The following DUSP15 variants were observed in gnomAD, a reference collection of about 807,000 sequenced individuals.
DUSP15 encodes the protein dual specificity protein phosphatase 15.
A neutral mutation model predicts 26.3 loss-of-function variants in DUSP15; 23 were observed. The observed-to-expected ratio is 0.87, with a 90% CI of 0.63 to 1.24. The LOEUF (loss-of-function observed/expected upper bound fraction) is 1.24. Among genes scored for constraint, DUSP15 ranks in the 50% most tolerant of loss-of-function variants. The probability of loss-of-function intolerance (pLI) is 0.00; values close to 1 mark genes in which losing one functional copy is unlikely to be tolerated. For missense variants in DUSP15, 364 were observed against 320.6 expected (o/e 1.14, Z -1.03); for synonymous variants, 143 against 135.5 (o/e 1.06, Z -0.39).
intron 3 of DUSP15, among the ~76,000 whole-genome samples, chr20:31,866,572 C>T (rs779255949): frequency 2.6e-5 from 4 of 152,194 alleles, no homozygotes; most frequent in East Asian, 3.8e-4. Flanking sequence ...CAGCACCAAC[C>T]GCCCTAGAGG....
chr20:31,864,196 C>T, intron 4 of DUSP15: 1 of 1,354,874 alleles, frequency 7.4e-7, no homozygotes, highest in Non-Finnish European at 9.5e-7. Context: ...TGAGAGAGAC[C>T]AGTCAGGACA....
rs545338861 is a variant in DUSP15, at chr20:31,861,081, T to G, written c.*322A>C. The G allele has an allele frequency of 1.7e-6, 2 of 1,169,724 alleles. No individual in the cohort carries two copies. The highest frequency in any genetic ancestry group is 2.1e-6 in the Non-Finnish European group (2 of 948,334). The allele number at this position is 1,169,724 out of a possible 1,614,324, so 72.5% of individuals were successfully genotyped here. ...GGAGGCACTCGGACAGGCAGCTTCT[T>G]CTGTGTCTCTTTAATACCCTCCAGG... On this transcript the variant is annotated 3_prime_UTR_variant, in exon 7 of 7. Coordinates refer to ENST00000339738, the MANE Select transcript of DUSP15 (RefSeq NM_080611.5).
Position 31,861,557 on chromosome 20 carries a change from G to A in DUSP15, c.554C>T (p.Ser185Phe), listed in dbSNP as rs1429030129. Residue 185 changes from serine (S) to phenylalanine (F), a missense_variant, in exon 7 of 7, where the codon TCC becomes TTC. Ser to Phe is a radical substitution (Grantham distance 155, BLOSUM62 -2). Coordinates refer to ENST00000339738, the MANE Select transcript of DUSP15 (RefSeq NM_080611.5). ...GGAGGCTGCTGAGTGCGGCCCGGCG[G>A]AGGAGGCCGAGGTCGCGGAGCCCTG... The part of the protein sequence containing the change: ...CRQGSATSAS[S>F]AGPHSAASEG... The A allele has an allele frequency of 6.7e-7, 1 of 1,503,290 alleles. No homozygotes were observed. Among genetic ancestry groups the A allele is most frequent in the South Asian group, 1.2e-5 (1 of 80,606 alleles). 93.1% of individuals were successfully genotyped at this position (1,503,290 alleles called of 1,614,324 possible). A position where few individuals can be genotyped will look rare whatever the true frequency, so the allele number is the denominator to read the frequency against.
At chr20:31,858,903 T>C (rs1393557438), downstream of DUSP15, among the ~76,000 whole-genome samples, 1 of 152,170 alleles carries the variant, frequency 6.6e-6, no homozygotes, top group African/African-American at 2.4e-5. This position sits in a 1 kb window ranked among gnomAD's most constrained non-coding sequence, Gnocchi z 4.4. Flanking sequence ...TTGTAATGAG[T>C]TCCCCCGTGA....
At chr20:31,847,610 T>G (rs555864511), downstream of DUSP15, 1 of 152,242 alleles carries the variant, frequency 6.6e-6, no homozygotes, top group Non-Finnish European at 1.5e-5. Flanking sequence ...AAATCAGAAC[T>G]CAGAAAAGAA....
intron 8 of DUSP15, chr20:31,849,534 C>T (rs2062428140): frequency 1.1e-6 from 1 of 880,376 alleles, no homozygotes; most frequent in Non-Finnish European, 1.9e-6. Flanking sequence ...TCCAGCCGTC[C>T]TACCGCCTGG....
chr20:31,854,390 T>C (rs1304468599), intron 6 of DUSP15, among the ~76,000 whole-genome samples: 1 of 152,176 alleles, frequency 6.6e-6, no homozygotes, highest in African/African-American at 2.4e-5. Flanking sequence ...AGCTGGTGCA[T>C]GTAAAATGCT....
chr20:31,865,585 G>A (rs1600477864), intron 3 of DUSP15, among the ~76,000 whole-genome samples: 1 of 152,066 alleles, frequency 6.6e-6, no homozygotes, highest in Admixed American at 6.6e-5. Context: ...TGCTTTTCTC[G>A]AGAAACTGTC....
exon 9 of DUSP15, chr20:31,848,846 C>T: frequency 1.9e-6 from 3 of 1,612,254 alleles, no homozygotes; most frequent in East Asian, 4.5e-5. Flanking sequence ...CTGTGTGGGG[C>T]CCGGGTCCTC....
rs2062886791 is a variant in DUSP15, at chr20:31,870,039, A to G, written c.21+278T>C. 2 of 1,303,564 alleles carry G rather than the reference A, an allele frequency of 1.5e-6. No homozygotes were observed. Among genetic ancestry groups the G allele is most frequent in the Non-Finnish European group, 1.9e-6 (2 of 1,027,936 alleles). 80.7% of individuals were successfully genotyped at this position (1,303,564 alleles called of 1,614,324 possible). The stretch of plus-strand genomic sequence containing the variant: ...AGAGGGACACATGCAGACGGAGAGC[A>G]GGACTCACTGGGAGACAGCCTGGGA... On this transcript the variant is annotated intron_variant, in intron 1 of 6. Coordinates refer to ENST00000339738, the MANE Select transcript of DUSP15 (RefSeq NM_080611.5). The surrounding 1 kb of genome is among the most constrained non-coding windows in gnomAD (Gnocchi z 6.6).
At chr20:31,857,254 G>A (rs947109105), downstream of DUSP15, among the ~76,000 whole-genome samples, 1 of 152,014 alleles carries the variant, frequency 6.6e-6, no homozygotes, top group African/African-American at 2.4e-5. Context: ...TTGAAATGAC[G>A]GCAACTGTCC....
In DUSP15 at chr20:31,870,246, C is replaced by T. The variant is rs991391584; in HGVS notation, c.21+71G>A. The T allele has an allele frequency of 3.3e-6, 4 of 1,225,336 alleles. No homozygotes were observed. Among genetic ancestry groups the T allele is most frequent in the Non-Finnish European group, 4.1e-6 (4 of 983,742 alleles). The allele number at this position is 1,225,336 out of a possible 1,614,324, so 75.9% of individuals were successfully genotyped here. ...AACAGAAGGTCAGAGGCGGGCGGAC[C>T]GAGCTGGTCAGCGCCGGGCCGCGGC... On this transcript the variant is annotated intron_variant, in intron 1 of 6. Coordinates refer to ENST00000339738, the MANE Select transcript of DUSP15 (RefSeq NM_080611.5). The surrounding 1 kb of genome is among the most constrained non-coding windows in gnomAD (Gnocchi z 6.6).
chr20:31,866,223 C>A (rs1044887251), intron 3 of DUSP15, among the ~76,000 whole-genome samples: 1 of 152,220 alleles, frequency 6.6e-6, no homozygotes, highest in African/African-American at 2.4e-5. Context: ...ACCCATGGTT[C>A]TTTCTCTCCA....
intron 7 of DUSP15, chr20:31,850,572 C>T (rs1002832959): frequency 2.5e-5 from 39 of 1,590,010 alleles, no homozygotes; most frequent in Non-Finnish European, 3.3e-5. Flanking sequence ...GTCCCCAGTT[C>T]AGCACACTGG....
At chr20:31,867,879 T>C (rs1379855947) in intron 2 of DUSP15, among the ~76,000 whole-genome samples, 1 of 152,092 alleles carries the variant, frequency 6.6e-6, no homozygotes, top group Non-Finnish European at 1.5e-5. Flanking sequence ...TCTCCTGACC[T>C]CGTGATCCGC....
intron 3 of DUSP15, among the ~76,000 whole-genome samples, chr20:31,865,327 T>C (rs529351046): frequency 6.6e-6 from 1 of 152,202 alleles, no homozygotes; most frequent in African/African-American, 2.4e-5. Context: ...CCACTCCAAA[T>C]GGGAATTACA....
upstream of DUSP15, chr20:31,870,621 CG>C: frequency 7.4e-7 from 1 of 1,352,086 alleles, no homozygotes. This position sits in a 1 kb window ranked among gnomAD's most constrained non-coding sequence, Gnocchi z 6.6. Context: ...GGCGGGGGGC[CG>C]GACAAAGCCC....
intron 2 of DUSP15, among the ~76,000 whole-genome samples, chr20:31,868,898 C>T (rs115824031): frequency 0.019 from 2,908 of 152,332 alleles, 105 homozygotes; most frequent in African/African-American, 0.066. Flanking sequence ...GGTGTCCCCT[C>T]CTCCTGACTG....
intron 4 of DUSP15, 51 bp from the exon 5 acceptor site, chr20:31,864,032 G>T: frequency 6.2e-7 from 1 of 1,608,728 alleles, no homozygotes; most frequent in Non-Finnish European, 8.5e-7. Context: ...GACCTCTCAG[G>T]AGTTGTTCCG....
Sources: gnomAD v4.1 joint callset for allele counts (sites outside exome capture counted in the v4.1 genomes callset) on GRCh38, gnomAD v4.1.1 for gene constraint, Gnocchi (gnomAD v3.1) non-coding constraint, MANE v1.5 for transcripts, NCBI Gene and HGNC (gene_info 2026-07-23, HGNC 2026-07-21) for gene names.